ECE1: variants seen among roughly 807,000 people sequenced by gnomAD.
The protein encoded by ECE1 is endothelin-converting enzyme 1.
In ECE1, 35 loss-of-function variants were observed where a neutral mutation model predicts 98.6. That is an observed-to-expected ratio of 0.35 (90% confidence interval 0.27 to 0.47). The LOEUF is 0.47. Among genes scored for constraint, ECE1 ranks in the 20% least tolerant of loss-of-function variants. The pLI, the probability that ECE1 is intolerant of heterozygous loss-of-function variation, is 1.00. For missense variants in ECE1, 814 were observed against 1,025.3 expected (o/e 0.79, Z 2.81); for synonymous variants, 394 against 407.1 (o/e 0.97, Z 0.39).
chr1:21,226,142 A>G (rs2098173916), intron 16 of ECE1, among the ~76,000 whole-genome samples: 1 of 152,202 alleles, frequency 6.6e-6, no homozygotes, highest in Admixed American at 6.5e-5. Context: ...TGCCCAAGGA[A>G]GGAGGCAATG....
chr1:21,306,769 G>T (rs1423942754), intron 1 of ECE1, among the ~76,000 whole-genome samples: 1 of 152,178 alleles, frequency 6.6e-6, no homozygotes, highest in East Asian at 1.9e-4. Flanking sequence ...TACAGTGATG[G>T]CCTCACTGCA....
Position 21,279,230 on chromosome 1 carries a change from C to G in ECE1, c.241G>C (p.Val81Leu), listed in dbSNP as rs1368582485. ...ATGCCCAGTGCTGCCAAGCAGGCCACCAGTCCTGCCGCCAGAAGTACCACC... is the reference window on the plus strand; with the variant it reads ...ATGCCCAGTGCTGCCAAGCAGGCCAGCAGTCCTGCCGCCAGAAGTACCACC... ...VLVVLLAAGL[V>L]ACLAALGIQY... The change falls in exon 3 of 19, where the codon GTG becomes CTG. Residue 81 changes from valine (V) to leucine (L), a missense_variant. This residue lies in a region of ECE1 where 257 missense variants were observed against 278.9 expected (regional missense o/e 0.92). Transcript: ENST00000374893. 1.2e-6 allele frequency: 2 copies of G among 1,614,084 alleles called. No homozygotes were observed. The highest frequency in any genetic ancestry group is 1.7e-6 in the Non-Finnish European group (2 of 1,180,042).
intron 9 of ECE1, among the ~76,000 whole-genome samples, chr1:21,246,068 C>T (rs1275404238): frequency 6.6e-6 from 1 of 152,002 alleles, no homozygotes; most frequent in African/African-American, 2.4e-5. Flanking sequence ...AGTTTGAGAC[C>T]AGCCTGGGCA....
chr1:21,247,132 G>C, intron 9 of ECE1, 89 bp downstream of exon 9: 7 of 1,590,542 alleles, frequency 4.4e-6, no homozygotes, highest in Non-Finnish European at 6.0e-6. Context: ...ACTCTCCTGA[G>C]TCAGACTGTC....
chr1:21,297,953 C>A, intron 1 of ECE1: 1 of 152,354 alleles, frequency 6.6e-6, no homozygotes, highest in African/African-American at 2.4e-5. Flanking sequence ...ATGCTCTTGC[C>A]TCAGCTTCCT....
chr1:21,297,662 G>A (rs1042932149), intron 1 of ECE1, among the ~76,000 whole-genome samples: 1 of 148,012 alleles, frequency 6.8e-6, no homozygotes, highest in Non-Finnish European at 1.5e-5. Context: ...TCAGCCTCCC[G>A]AGTAGCTGGG....
chr1:21,294,354 C>T (rs1638295439), upstream of ECE1: 1 of 152,284 alleles, frequency 6.6e-6, no homozygotes, highest in African/African-American at 2.4e-5. The surrounding 1 kb of genome is among the most constrained non-coding windows in gnomAD (Gnocchi z 4.2). Flanking sequence ...AGGTAAAGAA[C>T]CTCCACTTTG....
In ECE1 at chr1:21,290,411, G is replaced by A. The variant is rs1217585537; in HGVS notation, c.4C>T (p.Arg2Trp). 1.0e-5 allele frequency: 12 copies of A among 1,187,582 alleles called. No individual in the cohort carries two copies. In the African/African-American group the frequency reaches 1.4e-4, roughly 14 times the overall value. The allele number at this position is 1,187,582 out of a possible 1,614,324, so 73.6% of individuals were successfully genotyped here. Residue 2 changes from arginine (R) to tryptophan (W), a missense_variant, in exon 1 of 19, where the codon CGG becomes TGG. Physicochemically the swap from Arg to Trp is moderately radical, Grantham distance 101. Around this residue, in one of 3 missense-constraint regions of ECE1, gnomAD observed 257 missense variants for 278.9 expected, o/e 0.92. Transcript: ENST00000374893. The surrounding 1 kb of genome is among the most constrained non-coding windows in gnomAD (Gnocchi z 7.3). M[R>W]GVWPPPVSAL... ...GACACCGGGGGCGGCCACACGCCCC[G>A]CATGCTGTGCCCCAGACGCCTGGTC...
chr1:21,341,154 C>T (rs886302764), intron 1 of ECE1, among the ~76,000 whole-genome samples: 14 of 152,160 alleles, frequency 9.2e-5, no homozygotes, highest in African/African-American at 3.4e-4. Flanking sequence ...ATCCCACAGC[C>T]CCCCGCGTGT....
Position 21,262,957 on chromosome 1 carries a change from C to T in ECE1, c.494-2565G>A, listed in dbSNP as rs536101544. 3.3e-5 allele frequency among the ~76,000 whole-genome samples: 5 copies of T among 152,262 alleles called. No individual in the cohort carries two copies. The South Asian group carries it at 1.0e-3, about 32-fold the overall frequency. On this transcript the variant is annotated intron_variant, in intron 4 of 18. Coordinates refer to ENST00000374893, the MANE Select transcript of ECE1 (RefSeq NM_001397.3). ...AGGCCTGTCCACGTGAGGCATGCAG[C>T]GTGGTGAGTGAGGCAAACGGCAGCC... is the stretch of plus-strand genomic sequence containing the variant.
intron 12 of ECE1, among the ~76,000 whole-genome samples, chr1:21,236,319 G>A (rs776144467): frequency 1.1e-4 from 17 of 152,232 alleles, no homozygotes; most frequent in Admixed American, 7.2e-4. Context: ...CCGCTCACCC[G>A]CTGAAGGCGA....
At chr1:21,271,609 C>G (rs1301311542) in intron 4 of ECE1, among the ~76,000 whole-genome samples, 1 of 152,098 alleles carries the variant, frequency 6.6e-6, no homozygotes, top group Non-Finnish European at 1.5e-5. Flanking sequence ...ATGGTCCCAG[C>G]TGTGGGAGGG....
intron 1 of ECE1, among the ~76,000 whole-genome samples, chr1:21,331,293 A>G (rs561099357): frequency 1.3e-5 from 2 of 152,046 alleles, no homozygotes; most frequent in Non-Finnish European, 2.9e-5. Context: ...AGTCCCAGCT[A>G]CTCAGGAGGC....
intron 1 of ECE1, among the ~76,000 whole-genome samples, chr1:21,325,165 C>T (rs1432991332): frequency 2.0e-5 from 3 of 152,158 alleles, no homozygotes; most frequent in Non-Finnish European, 2.9e-5. Context: ...AACACAGAGA[C>T]GGGGCCCTTG....
intron 2 of ECE1, among the ~76,000 whole-genome samples, chr1:21,281,261 G>A (rs931051877): frequency 5.3e-5 from 8 of 152,072 alleles, no homozygotes; most frequent in South Asian, 2.1e-4. Flanking sequence ...AGACACTTCC[G>A]TGGAGGCCCA....
rs1480497120 is a variant in ECE1 at position 21,225,516 on chromosome 1, G to C, written c.1850-76C>G. The C allele has an allele frequency of 2.0e-6, 3 of 1,529,770 alleles. No homozygotes were observed. In the Admixed American group the frequency reaches 5.6e-5, roughly 29 times the overall value. The allele number at this position is 1,529,770 out of a possible 1,614,324, so 94.8% of individuals were successfully genotyped here. The stretch of plus-strand genomic sequence containing the variant: ...GACCTGCTGCTCCTCCCTGCTCCTG[G>C]TGAGAAGCGGTTCATCCGTCCACCC... On this transcript the variant is annotated intron_variant, in intron 16 of 18. Coordinates refer to ENST00000374893, the MANE Select transcript of ECE1 (RefSeq NM_001397.3). The surrounding 1 kb of genome is among the most constrained non-coding windows in gnomAD (Gnocchi z 5.3).
At chr1:21,296,653 T>A (rs1638362709) in intron 1 of ECE1, among the ~76,000 whole-genome samples, 1 of 152,192 alleles carries the variant, frequency 6.6e-6, no homozygotes, top group Non-Finnish European at 1.5e-5. Flanking sequence ...AGTCCTGGGA[T>A]CCCCATTTTA....
intron 11 of ECE1, 67 bp from the exon 12 acceptor site, chr1:21,236,911 C>T (rs777984800): frequency 2.5e-4 from 351 of 1,388,408 alleles, no homozygotes; most frequent in Non-Finnish European, 3.4e-4. Context: ...ACAGGCACCC[C>T]GTGCAGAACA....
intron 1 of ECE1, among the ~76,000 whole-genome samples, chr1:21,313,537 G>A (rs947544784): frequency 6.6e-6 from 1 of 152,148 alleles, no homozygotes; most frequent in Admixed American, 6.5e-5. Context: ...TGAGAACTAG[G>A]GAGAGGAATA....
Sources: gnomAD v4.1 joint callset for allele counts (sites outside exome capture counted in the v4.1 genomes callset) on GRCh38, gnomAD v4.1.1 for gene constraint, gnomAD v4.1.1 regional missense constraint, Gnocchi (gnomAD v3.1) non-coding constraint, MANE v1.5 for transcripts, NCBI Gene and HGNC (gene_info 2026-07-23, HGNC 2026-07-21) for gene names.